The following MARCHF1 variants were observed in gnomAD, a reference collection of about 807,000 sequenced individuals.
MARCHF1 encodes the protein E3 ubiquitin-protein ligase MARCHF1.
In MARCHF1, 40 loss-of-function variants were observed where a neutral mutation model predicts 54.2. The ratio of observed to expected loss-of-function variants is 0.74; its 90% confidence interval spans 0.57 to 0.96. The LOEUF (loss-of-function observed/expected upper bound fraction) is 0.96. MARCHF1 is among the 40% of genes least tolerant of loss of function. The probability of loss-of-function intolerance (pLI) is 0.00; values close to 1 mark genes in which losing one functional copy is unlikely to be tolerated. For synonymous variants in MARCHF1, 236 were observed against 236.3 expected (o/e 1.00, Z 0.01); for missense variants, 586 against 656.5 (o/e 0.89, Z 1.17).
At chr4:163,845,460 TACACACAC>T (rs10611765) in intron 4 of MARCHF1, among the ~76,000 whole-genome samples, 3,040 of 137,566 alleles carry the variant, frequency 0.022, 76 homozygotes, top group African/African-American at 0.065. Flanking sequence ...GCACCTCAGT[TACACACAC>T]ACACACACAC....
chr4:163,617,772 A>AC (rs1741561371), intron 5 of MARCHF1, among the ~76,000 whole-genome samples: 1 of 152,124 alleles, frequency 6.6e-6, no homozygotes, highest in East Asian at 1.9e-4. Flanking sequence ...CTTTGAAAAA[A>AC]ATTAATGCAG....
intron 3 of MARCHF1, among the ~76,000 whole-genome samples, chr4:163,872,493 T>C (rs1243967500): frequency 6.6e-6 from 1 of 152,206 alleles, no homozygotes; most frequent in African/African-American, 2.4e-5. Flanking sequence ...AATAAATAAG[T>C]GGTGTGGTAG....
intron 3 of MARCHF1, among the ~76,000 whole-genome samples, chr4:163,889,922 TTTTC>T (rs1453196614): frequency 1.9e-5 from 2 of 107,752 alleles, no homozygotes; most frequent in African/African-American, 6.4e-5. Context: ...TTATTTTCTT[TTTTC>T]TTTTTTTTTT....
At chr4:164,210,381 G>A (rs1024605428) in intron 1 of MARCHF1, among the ~76,000 whole-genome samples, 2 of 152,102 alleles carry the variant, frequency 1.3e-5, no homozygotes, top group African/African-American at 4.8e-5. Context: ...TCTAGCATGA[G>A]CAACTCGAAT....
intron 1 of MARCHF1, among the ~76,000 whole-genome samples, chr4:164,308,625 T>C (rs1734760155): frequency 6.6e-6 from 1 of 152,126 alleles, no homozygotes; most frequent in African/African-American, 2.4e-5. Flanking sequence ...AAAAATAATT[T>C]ATAGAATTAA....
intron 1 of MARCHF1, among the ~76,000 whole-genome samples, chr4:164,273,228 G>C (rs1733786726): frequency 6.6e-6 from 1 of 152,060 alleles, no homozygotes; most frequent in Non-Finnish European, 1.5e-5. Context: ...GGAAGACAAA[G>C]GGGAAGCAAG....
chr4:163,811,765 C>A (rs1748395036), intron 4 of MARCHF1, among the ~76,000 whole-genome samples: 1 of 152,078 alleles, frequency 6.6e-6, no homozygotes, highest in Admixed American at 6.6e-5. Context: ...GTTTACTAGG[C>A]CCTGTGGGTT....
intron 9 of MARCHF1, among the ~76,000 whole-genome samples, chr4:163,543,946 C>G (rs3797016): frequency 0.54 from 81,498 of 151,986 alleles, 22,921 homozygotes; most frequent in Admixed American, 0.67. Flanking sequence ...ACTACATTAC[C>G]TGGAGGAAAT....
intron 3 of MARCHF1, among the ~76,000 whole-genome samples, chr4:163,893,724 T>C (rs1750714909): frequency 6.6e-6 from 1 of 152,200 alleles, no homozygotes; most frequent in Non-Finnish European, 1.5e-5. Context: ...TTAAAAAGTG[T>C]CTTTTGAATA....
At chr4:164,035,562 T>C (rs1241710810) in intron 2 of MARCHF1, among the ~76,000 whole-genome samples, 1 of 150,632 alleles carries the variant, frequency 6.6e-6, no homozygotes, top group African/African-American at 2.4e-5. Flanking sequence ...GATTAGAAAC[T>C]CATGCTTAAA....
intron 1 of MARCHF1, among the ~76,000 whole-genome samples, chr4:164,282,644 T>C (rs1734054026): frequency 6.6e-6 from 1 of 151,210 alleles, no homozygotes. Flanking sequence ...CCAGAATGCT[T>C]TTTGTTCCAG....
intron 1 of MARCHF1, among the ~76,000 whole-genome samples, chr4:164,344,708 GC>G (rs1730028592): frequency 6.6e-6 from 1 of 152,038 alleles, no homozygotes; most frequent in Non-Finnish European, 1.5e-5. Flanking sequence ...ACTACTTTTT[GC>G]CCTGTTATGC....
intron 1 of MARCHF1, among the ~76,000 whole-genome samples, chr4:164,366,927 A>G (rs1018197458): frequency 6.6e-6 from 1 of 151,866 alleles, no homozygotes; most frequent in African/African-American, 2.4e-5. Flanking sequence ...CCAACCTCAC[A>G]GCATTTTTAC....
Position 163,528,562 on chromosome 4 carries a change from C to T in MARCHF1, c.*186G>A, listed in dbSNP as rs1738225055. On this transcript the variant is annotated 3_prime_UTR_variant, in exon 10 of 10. Coordinates refer to ENST00000514618, the MANE Select transcript of MARCHF1 (RefSeq NM_001394959.1). ...CATACTTTACTTTACGCTATTACTTCATGGGCTCCTGGGCATTTGGTCTGT... is the reference window on the plus strand; with the variant it reads ...CATACTTTACTTTACGCTATTACTTTATGGGCTCCTGGGCATTTGGTCTGT... 1.7e-6 allele frequency: 1 copy of T among 589,464 alleles called. No individual in the cohort carries two copies. The highest frequency in any genetic ancestry group is 1.9e-5 in the African/African-American group (1 of 53,168). The allele number at this position is 589,464 out of a possible 1,614,324, so 36.5% of individuals were successfully genotyped here.
intron 3 of MARCHF1, among the ~76,000 whole-genome samples, chr4:163,940,542 T>C (rs1321855988): frequency 5.9e-5 from 9 of 152,048 alleles, no homozygotes; most frequent in Non-Finnish European, 1.3e-4. Flanking sequence ...GTTTCCTCTA[T>C]GTCCACCATT....
rs567237557 is a variant in MARCHF1, at chr4:164,171,484, T to C, written c.-322-59822A>G. 6.6e-5 allele frequency among the ~76,000 whole-genome samples: 10 copies of C among 152,266 alleles called. No individual in the cohort carries two copies. The South Asian group carries it at 2.1e-3, about 32-fold the overall frequency. On this transcript the variant is annotated intron_variant, in intron 1 of 9. Coordinates refer to ENST00000514618, the MANE Select transcript of MARCHF1 (RefSeq NM_001394959.1). ...CAAATGTTTATCATACTACGTAATA[T>C]TAAGTGAAATAAGTGATTAGAAGAT...
At chr4:164,321,041 A>G (rs1317209993) in intron 1 of MARCHF1, among the ~76,000 whole-genome samples, 1 of 152,198 alleles carries the variant, frequency 6.6e-6, no homozygotes, top group African/African-American at 2.4e-5. Flanking sequence ...GATCTGATAC[A>G]TGTGACACAA....
chr4:163,552,358 C>T (rs1196805707), intron 8 of MARCHF1, among the ~76,000 whole-genome samples: 1 of 152,180 alleles, frequency 6.6e-6, no homozygotes, highest in African/African-American at 2.4e-5. Flanking sequence ...CATCTTGAGA[C>T]AGTGTGTGCA....
intron 5 of MARCHF1, among the ~76,000 whole-genome samples, chr4:163,692,592 CCCCTG>C (rs1744499156): frequency 1.4e-5 from 2 of 143,098 alleles, no homozygotes; most frequent in African/African-American, 2.6e-5. Flanking sequence ...GGCTCCTTGG[CCCCTG>C]AAAGAATTTA....
Sources: gnomAD v4.1 joint callset for allele counts (sites outside exome capture counted in the v4.1 genomes callset) on GRCh38, gnomAD v4.1.1 for gene constraint, MANE v1.5 for transcripts, NCBI Gene and HGNC (gene_info 2026-07-23, HGNC 2026-07-21) for gene names.